Variants in DCDC2 observed in about 807,000 individuals in gnomAD.
DCDC2 encodes the protein doublecortin domain-containing protein 2.
A neutral mutation model predicts 50.2 loss-of-function variants in DCDC2; 40 were observed. The ratio of observed to expected loss-of-function variants is 0.80; its 90% confidence interval spans 0.62 to 1.04. The LOEUF (loss-of-function observed/expected upper bound fraction) is 1.04. Among genes scored for constraint, DCDC2 ranks in the 50% least tolerant of loss-of-function variants. The pLI is 0.00. For synonymous variants in DCDC2, 234 were observed against 210.6 expected (o/e 1.11, Z -0.96); for missense variants, 570 against 581.9 (o/e 0.98, Z 0.21).
chr6:24,347,591 G>A (rs186993114), intron 2 of DCDC2, among the ~76,000 whole-genome samples: 91 of 152,322 alleles, frequency 6.0e-4, no homozygotes, highest in Middle Eastern at 6.8e-3. Context: ...GGGGGGATGT[G>A]CATAGGTTAT....
In DCDC2 at chr6:24,306,969, T is replaced by C. The variant is rs541366470; in HGVS notation, c.349-4925A>G. ...TATATTTGGAATAACAAGATCAAGG[T>C]TGATAAACTGAGTAACTGACTAAAG... is the stretch of plus-strand genomic sequence containing the variant. On this transcript the variant is annotated intron_variant, in intron 2 of 9. Transcript: ENST00000378454. 1.3e-4 allele frequency among the ~76,000 whole-genome samples: 20 copies of C among 152,286 alleles called. No homozygotes were observed. In the East Asian group the frequency reaches 2.3e-3, roughly 18 times the overall value.
intron 2 of DCDC2, among the ~76,000 whole-genome samples, chr6:24,318,452 C>T (rs12206452): frequency 0.18 from 27,702 of 151,844 alleles, 2,653 homozygotes; most frequent in African/African-American, 0.24. Context: ...TTTTATTACA[C>T]GGATATATTG....
At chr6:24,290,911 G>A in intron 5 of DCDC2, 21 bp downstream of exon 5, 1 of 1,600,424 alleles carries the variant, frequency 6.2e-7, no homozygotes, top group Non-Finnish European at 8.5e-7. Context: ...AGCATGAGGA[G>A]TGGTAAGGAG....
At chr6:24,198,504 G>A (rs1043268722) in intron 8 of DCDC2, among the ~76,000 whole-genome samples, 1 of 152,172 alleles carries the variant, frequency 6.6e-6, no homozygotes, top group African/African-American at 2.4e-5. Flanking sequence ...CAGTCTTTGT[G>A]ACCCGCAGAC....
intron 6 of DCDC2, among the ~76,000 whole-genome samples, chr6:24,288,509 T>A (rs972342945): frequency 2.0e-5 from 3 of 152,242 alleles, no homozygotes; most frequent in Admixed American, 1.3e-4. Flanking sequence ...ACTTCCCTTT[T>A]AGTCTTCGTT....
At chr6:24,343,346 G>C (rs1014605400) in intron 2 of DCDC2, among the ~76,000 whole-genome samples, 1 of 152,054 alleles carries the variant, frequency 6.6e-6, no homozygotes, top group Non-Finnish European at 1.5e-5. Context: ...ACCGTGCCCC[G>C]CCTAAATATT....
the DCDC2 span, among the ~76,000 whole-genome samples, chr6:24,377,758 G>C: frequency 6.1e-3 from 933 of 152,168 alleles, 14 homozygotes; most frequent in African/African-American, 0.02. Context: ...GAGGCCGAGG[G>C]GGGTGGATCA....
Position 24,302,005 on chromosome 6 carries a change from G to T in DCDC2, c.388C>A (p.Arg130Ser). 6.2e-7 allele frequency: 1 copy of T among 1,613,980 alleles called. No homozygotes were observed. Among genetic ancestry groups the T allele is most frequent in the East Asian group, 2.2e-5 (1 of 44,878 alleles). Residue 130 changes from arginine (R) to serine (S), a missense_variant, in exon 3 of 10, where the codon CGC becomes AGC. Coordinates refer to ENST00000378454, the MANE Select transcript of DCDC2 (RefSeq NM_016356.5). The part of the protein sequence containing the change: ...VIHSRINVSA[R>S]FRKPLQEPCT... ...GGCTCCTGAAGCGGTTTTCTAAAGC[G>T]AGCTGACACGTTGATCCTGCTATGG...
intron 7 of DCDC2, among the ~76,000 whole-genome samples, chr6:24,272,421 TTGA>T (rs1763257375): frequency 6.6e-6 from 1 of 152,124 alleles, no homozygotes; most frequent in South Asian, 2.1e-4. Flanking sequence ...CACATTGCCA[TTGA>T]GATGGGAAGT....
chr6:24,232,012 CACACACACACACACACAT>C (rs1581600884), intron 7 of DCDC2, among the ~76,000 whole-genome samples: 1 of 101,026 alleles, frequency 9.9e-6, no homozygotes, highest in Non-Finnish European at 2.5e-5. Context: ...TATACACACA[CACACACACACACACACAT>C]ACACACATAC....
In DCDC2 at chr6:24,357,717, A is replaced by ACT; in HGVS notation, c.33_34insAG (p.Gln13LeufsTer5). ...AGCACGCTCTTCACGACGGGCTGAGACAGGTGGCTGGACCTGGCGCTGCTG... is the reference window on the plus strand; with the variant it reads ...AGCACGCTCTTCACGACGGGCTGAGACTCAGGTGGCTGGACCTGGCGCTGCTG... On this transcript the variant is annotated frameshift_variant, in exon 1 of 10. Coordinates refer to ENST00000378454, the MANE Select transcript of DCDC2 (RefSeq NM_016356.5). LOFTEE classifies it high-confidence loss of function. 1 of 1,612,964 alleles carries ACT rather than the reference A, an allele frequency of 6.2e-7. No individual in the cohort carries two copies. The highest frequency in any genetic ancestry group is 8.5e-7 in the Non-Finnish European group (1 of 1,179,736).
chr6:24,213,576 C>T lies in DCDC2; in HGVS notation c.923-8474G>A, dbSNP rs369362197. On this transcript the variant is annotated intron_variant, in intron 7 of 9. Transcript: ENST00000378454. Reference sequence around the variant, plus strand: ...GTGATATAAAAATAATTTTCATTAGCTTAGTCTGATGTGAACTACATTCAC... The same window carrying T: ...GTGATATAAAAATAATTTTCATTAGTTTAGTCTGATGTGAACTACATTCAC... Among the ~76,000 whole-genome samples, 10 of 152,174 alleles carry T rather than the reference C, an allele frequency of 6.6e-5. No individual in the cohort carries two copies. The South Asian group carries it at 1.0e-3, about 16-fold the overall frequency.
intron 4 of DCDC2, among the ~76,000 whole-genome samples, chr6:24,295,277 T>C (rs2328209): frequency 1.4e-4 from 21 of 152,268 alleles, no homozygotes; most frequent in African/African-American, 5.1e-4. Context: ...CAACATCCCT[T>C]CAAGTTAAAA....
At chr6:24,304,408 G>C (rs975662014) in intron 2 of DCDC2, among the ~76,000 whole-genome samples, 1 of 152,152 alleles carries the variant, frequency 6.6e-6, no homozygotes, top group Admixed American at 6.5e-5. Context: ...GCTTGAAACC[G>C]GGAGGCAGAG....
chr6:24,307,136 T>C (rs1247299745), intron 2 of DCDC2, among the ~76,000 whole-genome samples: 1 of 152,084 alleles, frequency 6.6e-6, no homozygotes, highest in Non-Finnish European at 1.5e-5. Context: ...ATGAACTAAT[T>C]AATAAAGTGG....
intron 7 of DCDC2, chr6:24,205,366 G>A: frequency 6.8e-7 from 1 of 1,472,078 alleles, no homozygotes; most frequent in Non-Finnish European, 9.0e-7. Context: ...TTTGGCTACT[G>A]ATTTACTAAC....
At chr6:24,256,463 T>A (rs1762899996) in intron 7 of DCDC2, among the ~76,000 whole-genome samples, 1 of 152,260 alleles carries the variant, frequency 6.6e-6, no homozygotes, top group Non-Finnish European at 1.5e-5. Flanking sequence ...GGTAGTCAAG[T>A]TAAAAAGCTT....
chr6:24,269,366 A>G (rs928754468), intron 7 of DCDC2, among the ~76,000 whole-genome samples: 5 of 152,250 alleles, frequency 3.3e-5, no homozygotes, highest in African/African-American at 9.6e-5. Context: ...TGCTTGCAAC[A>G]TAATTTGGCA....
chr6:24,203,017 T>C (rs1345195083), intron 8 of DCDC2, among the ~76,000 whole-genome samples: 2 of 152,200 alleles, frequency 1.3e-5, no homozygotes, highest in Non-Finnish European at 2.9e-5. Flanking sequence ...CATTCCATTC[T>C]TGTGGATAGG....
Sources: allele counts gnomAD v4.1 joint callset (sites outside exome capture counted in the v4.1 genomes callset), GRCh38; gene constraint gnomAD v4.1.1; transcripts MANE v1.5; gene names NCBI Gene and HGNC (gene_info 2026-07-23, HGNC 2026-07-21).